CAPN9: variants seen among roughly 807,000 people sequenced by gnomAD.
The protein encoded by CAPN9 is calpain 9, also known as calpain-9.
CAPN9 carries 81 observed loss-of-function variants against 92.8 expected under a neutral mutation model. The observed-to-expected ratio is 0.87, with a 90% confidence interval of 0.73 to 1.05. The LOEUF (loss-of-function observed/expected upper bound fraction) is 1.05, where lower values mean the gene tolerates loss of function less well. Ranked by LOEUF, CAPN9 falls within the 50% of genes least tolerant of loss-of-function variation. The pLI, the probability that CAPN9 is intolerant of heterozygous loss-of-function variation, is 0.00. For missense variants in CAPN9, 848 were observed against 866.2 expected (o/e 0.98, Z 0.26); for synonymous variants, 304 against 328.0 (o/e 0.93, Z 0.79).
intron 18 of CAPN9, 163 bp downstream of exon 18, chr1:230,795,442 G>A: frequency 1.7e-6 from 1 of 572,358 alleles, no homozygotes; most frequent in Non-Finnish European, 3.2e-6. Context: ...TAGCTAAGGA[G>A]CAGAATGTGC....
chr1:230,775,019 G>A (rs1666662781), intron 8 of CAPN9, among the ~76,000 whole-genome samples: 1 of 152,036 alleles, frequency 6.6e-6, no homozygotes, highest in African/African-American at 2.4e-5. Flanking sequence ...GGAATTACAG[G>A]TATGAGCCAC....
chr1:230,791,754 C>G, intron 14 of CAPN9, 110 bp from the exon 15 acceptor site: 1 of 758,390 alleles, frequency 1.3e-6, no homozygotes, highest in Non-Finnish European at 2.3e-6. Context: ...GTAGCCACAT[C>G]ACAGCCCCCA....
chr1:230,782,081 G>A (rs1049248775), intron 11 of CAPN9, among the ~76,000 whole-genome samples: 1 of 152,184 alleles, frequency 6.6e-6, no homozygotes, highest in Non-Finnish European at 1.5e-5. Flanking sequence ...GAACAAGAGA[G>A]ACCCAAGTTA....
At chr1:230,770,631 G>A (rs1267200435) in intron 6 of CAPN9, among the ~76,000 whole-genome samples, 2 of 152,160 alleles carry the variant, frequency 1.3e-5, no homozygotes, top group African/African-American at 4.8e-5. Context: ...TGTTGGTTAG[G>A]AGGAGAGATC....
intron 5 of CAPN9, 120 bp from the exon 6 acceptor site, chr1:230,769,060 C>G: frequency 1.3e-6 from 1 of 766,806 alleles, no homozygotes; most frequent in Non-Finnish European, 2.3e-6. Flanking sequence ...ACATGGCCTG[C>G]ACCTGGGGCA....
At chr1:230,785,147 T>C (rs980436211) in intron 11 of CAPN9, among the ~76,000 whole-genome samples, 5 of 152,238 alleles carry the variant, frequency 3.3e-5, no homozygotes, top group African/African-American at 4.8e-5. Flanking sequence ...TCCCATTGTA[T>C]TTTGGAAGTA....
intron 3 of CAPN9, 113 bp from the exon 4 acceptor site, chr1:230,762,540 T>C: frequency 4.0e-6 from 5 of 1,265,664 alleles, no homozygotes; most frequent in Non-Finnish European, 2.2e-6. Context: ...CAAAGCTGTC[T>C]ATGGGTAGCT....
chr1:230,762,507 C>T, intron 3 of CAPN9, 146 bp from the exon 4 acceptor site: 1 of 877,746 alleles, frequency 1.1e-6, no homozygotes, highest in Non-Finnish European at 1.7e-6. Flanking sequence ...AGGTGCCCTA[C>T]CTTGGAACCC....
At chr1:230,794,975 ACT>A in intron 17 of CAPN9, 186 bp from the exon 18 acceptor site, 1 of 562,294 alleles carries the variant, frequency 1.8e-6, no homozygotes, top group African/African-American at 1.9e-5. Flanking sequence ...ACAGATTCAC[ACT>A]CTCACGCTGC....
chr1:230,792,829 C>A, intron 16 of CAPN9, 21 bp from the exon 17 acceptor site: 1 of 1,606,530 alleles, frequency 6.2e-7, no homozygotes, highest in South Asian at 1.1e-5. Flanking sequence ...CTTCTCAAGG[C>A]TTCTGCTCTC....
At chr1:230,752,372 T>G (rs1664904307) in intron 1 of CAPN9, among the ~76,000 whole-genome samples, 1 of 152,214 alleles carries the variant, frequency 6.6e-6, no homozygotes, top group Non-Finnish European at 1.5e-5. Flanking sequence ...TCCAGACACC[T>G]CCCCAATTTA....
rs28359636 is a variant in CAPN9, at chr1:230,763,395, C to T, written c.536+609C>T. On this transcript the variant is annotated intron_variant, in intron 4 of 19. Coordinates refer to ENST00000271971, the MANE Select transcript of CAPN9 (RefSeq NM_006615.3). The stretch of plus-strand genomic sequence containing the variant: ...AAATTCTGTCCCTATTAACAAATAA[C>T]TTCCTATTCCTCCCTTCCCCCAGCC... Among the ~76,000 whole-genome samples the T allele has an allele frequency of 7.7e-3, 1,172 of 152,280 alleles. 17 individuals carry two copies. The highest frequency in any genetic ancestry group is 0.026 in the African/African-American group (1,100 of 41,546).
At position 230,772,011 on chromosome 1, in the gene CAPN9, T is replaced by C. The variant is rs1199594180; in HGVS notation, c.790-3T>C. ...ACACTTCCCTCATGCTTTTCCCTTC[T>C]AGGTAAGCTTCCGAGGCCAGAGAAT... On this transcript the variant is annotated splice_region_variant and splice_polypyrimidine_tract_variant and intron_variant, in intron 6 of 19. Transcript: ENST00000271971. 1.2e-6 allele frequency: 2 copies of C among 1,613,756 alleles called. No homozygotes were observed. The highest frequency in any genetic ancestry group is 4.5e-5 in the East Asian group (2 of 44,880).
chr1:230,758,358 T>G (rs1297239780), intron 2 of CAPN9, among the ~76,000 whole-genome samples: 15 of 152,130 alleles, frequency 9.9e-5, no homozygotes, highest in Admixed American at 9.8e-4. Flanking sequence ...CTAGAGGCAC[T>G]TGGTAAAGTT....
Position 230,795,250 on chromosome 1 carries a change from ACTGC to A in CAPN9, c.1962_1965del (p.Cys654TrpfsTer26). On this transcript the variant is annotated frameshift_variant, in exon 18 of 20. Coordinates refer to ENST00000271971, the MANE Select transcript of CAPN9 (RefSeq NM_006615.3). LOFTEE classifies it high-confidence loss of function. Reference sequence around the variant, plus strand: ...CAGCTGGACTTCGATGACTTCCTCAACTGCCTGGTCCGGCTGGAGAATGCGAGCC... The same window carrying A: ...CAGCTGGACTTCGATGACTTCCTCAACTGGTCCGGCTGGAGAATGCGAGCC... 1 of 1,612,540 alleles carries A rather than the reference ACTGC, an allele frequency of 6.2e-7. No individual in the cohort carries two copies. Among genetic ancestry groups the A allele is most frequent in the Non-Finnish European group, 8.5e-7 (1 of 1,178,974 alleles).
chr1:230,797,771 C>A (rs1668445575), intron 18 of CAPN9, among the ~76,000 whole-genome samples: 1 of 152,160 alleles, frequency 6.6e-6, no homozygotes, highest in African/African-American at 2.4e-5. Flanking sequence ...CGGCACCTTC[C>A]TACAAGGGCG....
Position 230,747,467 on chromosome 1 carries a change from G to A in CAPN9, c.-30G>A, listed in dbSNP as rs775803122. On this transcript the variant is annotated 5_prime_UTR_variant, in exon 1 of 20. Transcript: ENST00000271971. ...TTCACTTTCTTTTCCATCCACTGCC[G>A]GACCCAAGCCAGCCTTCCAGGGAGC... is the stretch of plus-strand genomic sequence containing the variant. 18 of 1,593,438 alleles carry A rather than the reference G, an allele frequency of 1.1e-5. No individual in the cohort carries two copies. The highest frequency in any genetic ancestry group is 3.3e-5 in the Admixed American group (2 of 59,978).
chr1:230,757,140 C>T (rs1180497363), intron 2 of CAPN9, among the ~76,000 whole-genome samples: 1 of 152,084 alleles, frequency 6.6e-6, no homozygotes, highest in Non-Finnish European at 1.5e-5. Context: ...GCAGATTCCA[C>T]AGGGCTTACT....
At chr1:230,788,252 G>C (rs916995094) in intron 13 of CAPN9, among the ~76,000 whole-genome samples, 12 of 152,174 alleles carry the variant, frequency 7.9e-5, no homozygotes, top group Non-Finnish European at 1.2e-4. Context: ...GTTTGCTGTA[G>C]TAAAGGGGAT....
Sources: gnomAD v4.1 joint callset for allele counts (sites outside exome capture counted in the v4.1 genomes callset) on GRCh38, gnomAD v4.1.1 for gene constraint, MANE v1.5 for transcripts, NCBI Gene and HGNC (gene_info 2026-07-23, HGNC 2026-07-21) for gene names.